CTNND1: variants seen among roughly 807,000 people sequenced by gnomAD.
The protein encoded by CTNND1 is catenin delta-1.
A neutral mutation model predicts 112.1 loss-of-function variants in CTNND1; 16 were observed. The ratio of observed to expected loss-of-function variants is 0.14; its 90% CI spans 0.10 to 0.22. The LOEUF is 0.22. Ranked by LOEUF, CTNND1 falls within the 10% of genes least tolerant of loss-of-function variation. The pLI is 1.00. For synonymous variants in CTNND1, 420 were observed against 446.5 expected (o/e 0.94, Z 0.75); for missense variants, 1,008 against 1,257.0 (o/e 0.80, Z 3.00).
chr11:57,809,554 C>T (rs61888911), intron 15 of CTNND1, 88 bp downstream of exon 15: 1 of 1,211,996 alleles, frequency 8.3e-7, no homozygotes, highest in South Asian at 1.5e-5. Flanking sequence ...AAGGAAATTT[C>T]CCCTTATTTA....
chr11:57,808,914 A>T (rs958167641), intron 14 of CTNND1, among the ~76,000 whole-genome samples: 7 of 152,238 alleles, frequency 4.6e-5, no homozygotes, highest in Non-Finnish European at 8.8e-5. Context: ...GTAGCTAGTT[A>T]GTAGCAGAAC....
At chr11:57,771,136 G>GT (rs533251501) in intron 1 of CTNND1, among the ~76,000 whole-genome samples, 45 of 147,466 alleles carry the variant, frequency 3.1e-4, no homozygotes, top group African/African-American at 5.0e-4. Flanking sequence ...AAAGAAAGTT[G>GT]TTTTTTTTTT....
chr11:57,808,728 A>G (rs781614274), intron 14 of CTNND1, among the ~76,000 whole-genome samples, 188 bp downstream of exon 14: 113 of 152,244 alleles, frequency 7.4e-4, no homozygotes, highest in East Asian at 1.9e-4. Flanking sequence ...AACAAGTGAC[A>G]ACTCTTCAAA....
intron 1 of CTNND1, among the ~76,000 whole-genome samples, chr11:57,784,757 C>T (rs979446750): frequency 2.6e-5 from 4 of 152,172 alleles, no homozygotes; most frequent in Admixed American, 2.6e-4. Flanking sequence ...CCTCCCATCT[C>T]AGCCTCCTAA....
At chr11:57,796,199 A>G (rs188448778) in intron 5 of CTNND1, among the ~76,000 whole-genome samples, 2 of 152,168 alleles carry the variant, frequency 1.3e-5, no homozygotes, top group Non-Finnish European at 2.9e-5. Context: ...AGTCTGGGCA[A>G]CATAGTGAAA....
chr11:57,782,510 A>G (rs1276158255), intron 1 of CTNND1, among the ~76,000 whole-genome samples: 3 of 152,202 alleles, frequency 2.0e-5, no homozygotes, highest in African/African-American at 7.2e-5. Context: ...AGAAAAAGGA[A>G]AGTGATGAAC....
chr11:57,776,813 C>G (rs1258436446), intron 1 of CTNND1, among the ~76,000 whole-genome samples: 1 of 152,132 alleles, frequency 6.6e-6, no homozygotes, highest in Non-Finnish European at 1.5e-5. Context: ...CAATTTGATG[C>G]AGAGAACTTG....
chr11:57,781,203 C>T (rs188597753), intron 1 of CTNND1, among the ~76,000 whole-genome samples: 1 of 152,314 alleles, frequency 6.6e-6, no homozygotes, highest in East Asian at 1.9e-4. Flanking sequence ...TCCCAAAGTG[C>T]TGGGATTACA....
chr11:57,770,274 G>T (rs1952229502), intron 1 of CTNND1, among the ~76,000 whole-genome samples: 1 of 151,960 alleles, frequency 6.6e-6, no homozygotes, highest in South Asian at 2.1e-4. Context: ...AGGTTGCGGC[G>T]AGTGGAGATC....
In CTNND1 at chr11:57,809,361, C is replaced by G; in HGVS notation, c.2330C>G (p.Ser777Cys). 1 of 1,614,032 alleles carries G rather than the reference C, an allele frequency of 6.2e-7. No individual in the cohort carries two copies. Among genetic ancestry groups the G allele is most frequent in the Non-Finnish European group, 8.5e-7 (1 of 1,179,882 alleles). Residue 777 changes from serine to cysteine, a missense_variant, in exon 15 of 21, where the codon TCT becomes TGT. By Grantham distance (112) the Ser-to-Cys change is moderately radical (BLOSUM62 -1). Around this residue, in one of 5 missense-constraint regions of CTNND1, gnomAD observed 254 missense variants for 279.5 expected, o/e 0.91. Transcript: ENST00000399050. ...SWNFSEDTVI[S>C]ILNTINEVIA... Reference sequence around the variant, plus strand: ...AATTTCTCTGAGGACACTGTCATCTCTATTTTGAACACTATCAACGAGGTT... The same window carrying G: ...AATTTCTCTGAGGACACTGTCATCTGTATTTTGAACACTATCAACGAGGTT...
intron 1 of CTNND1, among the ~76,000 whole-genome samples, chr11:57,762,698 T>A (rs1248707979): frequency 6.6e-6 from 1 of 152,186 alleles, no homozygotes; most frequent in Non-Finnish European, 1.5e-5. Flanking sequence ...ATTCTCCTGC[T>A]AGATGTAGTC....
At chr11:57,777,737 G>A (rs1223994108) in intron 1 of CTNND1, among the ~76,000 whole-genome samples, 1 of 152,238 alleles carries the variant, frequency 6.6e-6, no homozygotes, top group Non-Finnish European at 1.5e-5. Flanking sequence ...CATATTACCA[G>A]TTAGTTCCTG....
At chr11:57,787,109 G>T (rs2060222114) in intron 1 of CTNND1, among the ~76,000 whole-genome samples, 1 of 152,234 alleles carries the variant, frequency 6.6e-6, no homozygotes, top group East Asian at 1.9e-4. Context: ...GGATTGCCAA[G>T]ATAGTAAATG....
At chr11:57,769,911 T>G (rs974286317) in intron 1 of CTNND1, among the ~76,000 whole-genome samples, 1 of 152,222 alleles carries the variant, frequency 6.6e-6, no homozygotes, top group African/African-American at 2.4e-5. Context: ...TTTGGTTTAG[T>G]TGACAGTTGA....
chr11:57,773,748 C>T (rs1042560112), intron 1 of CTNND1, among the ~76,000 whole-genome samples: 1 of 151,176 alleles, frequency 6.6e-6, no homozygotes, highest in Admixed American at 6.6e-5. Flanking sequence ...ACCAGCCTGG[C>T]CAACATAGCA....
At chr11:57,798,979 A>G (rs74423270) in intron 6 of CTNND1, among the ~76,000 whole-genome samples, 1,721 of 152,306 alleles carry the variant, frequency 0.011, 35 homozygotes, top group African/African-American at 0.04. Flanking sequence ...CTTGATGGTA[A>G]GGATATCCTA....
intron 8 of CTNND1, among the ~76,000 whole-genome samples, chr11:57,804,147 A>G (rs552523723): frequency 2.6e-5 from 4 of 152,230 alleles, no homozygotes; most frequent in African/African-American, 9.6e-5. Flanking sequence ...AGTTATTTGT[A>G]TTTCAAGTCA....
In CTNND1 at chr11:57,761,886, A is replaced by AG. The variant is rs1365482797; in HGVS notation, c.-447_-446insG. The AG allele has an allele frequency of 4.7e-5, 46 of 985,250 alleles. No homozygotes were observed. The highest frequency in any genetic ancestry group is 5.3e-5 in the Non-Finnish European group (44 of 829,936). 61.0% of individuals were successfully genotyped at this position (985,250 alleles called of 1,614,324 possible). On this transcript the variant is annotated 5_prime_UTR_variant, in exon 1 of 21. Transcript: ENST00000399050. Reference sequence around the variant, plus strand: ...GGTGTTGGATCTGAGGGGGAAAAAAAAGAGAGAGGGAGAGAGAGAGAAAGA... The same window carrying AG: ...GGTGTTGGATCTGAGGGGGAAAAAAAGAGAGAGAGGGAGAGAGAGAGAAAGA...
Position 57,817,264 on chromosome 11 carries a change from A to G in CTNND1, c.*956A>G, listed in dbSNP as rs1309237564. The G allele has an allele frequency of 6.5e-6, 1 of 152,920 alleles. No individual in the cohort carries two copies. Among genetic ancestry groups the G allele is most frequent in the Non-Finnish European group, 1.5e-5 (1 of 68,308 alleles). The allele number at this position is 152,920 out of a possible 1,614,324, so 9.5% of individuals were successfully genotyped here. A position where few individuals can be genotyped will look rare whatever the true frequency, so the allele number is the denominator to read the frequency against. ...CCGTTTCTCCTTTTCCTATCCTTATAGGCCTGTCCCTTGCCTCTGCCCTGG... is the reference window on the plus strand; with the variant it reads ...CCGTTTCTCCTTTTCCTATCCTTATGGGCCTGTCCCTTGCCTCTGCCCTGG... On this transcript the variant is annotated 3_prime_UTR_variant, in exon 21 of 21. Coordinates refer to ENST00000399050, the MANE Select transcript of CTNND1 (RefSeq NM_001085458.2).
Sources: allele counts gnomAD v4.1 joint callset (sites outside exome capture counted in the v4.1 genomes callset), GRCh38; gene constraint gnomAD v4.1.1; regional missense constraint gnomAD v4.1.1; transcripts MANE v1.5; gene names NCBI Gene and HGNC (gene_info 2026-07-23, HGNC 2026-07-21).